TRIP11: variants seen among roughly 807,000 people sequenced by gnomAD.
TRIP11 encodes thyroid hormone receptor interactor 11.
Under a neutral mutation model 223.1 loss-of-function variants are expected in TRIP11, and 148 were observed. That is an observed-to-expected ratio of 0.66 (90% CI 0.58 to 0.76). TRIP11 has a LOEUF of 0.76. TRIP11 is among the 30% of genes least tolerant of loss of function. The pLI is 0.00. For synonymous variants in TRIP11, 762 were observed against 772.6 expected (o/e 0.99, Z 0.23); for missense variants, 2,043 against 2,222.0 (o/e 0.92, Z 1.62).
chr14:91,981,012 A>ATTTTTTTTTTTTTTTT (rs564098716), intron 16 of TRIP11, among the ~76,000 whole-genome samples: 1 of 49,944 alleles, frequency 2.0e-5, no homozygotes, highest in African/African-American at 6.7e-5. Flanking sequence ...ATATATATAT[A>ATTTTTTTTTTTTTTTT]TTTTTTTTTT....
intron 3 of TRIP11, among the ~76,000 whole-genome samples, chr14:92,025,056 T>C (rs2057164027): frequency 6.6e-6 from 1 of 152,158 alleles, no homozygotes; most frequent in Admixed American, 6.5e-5. Context: ...TACAAAAACT[T>C]TTTCTTCTTC....
chr14:91,999,313 C>G lies in TRIP11; in HGVS notation c.4819G>C (p.Ala1607Pro). The change falls in exon 13 of 21, where the codon GCT (alanine) becomes CCT (proline). Residue 1607 changes from alanine (A) to proline (P), a missense_variant. Coordinates refer to ENST00000267622, the MANE Select transcript of TRIP11 (RefSeq NM_004239.4). Reference protein sequence around the residue: ...REALAAEDREAKLRKKVTVLE... With the variant: ...REALAAEDREPKLRKKVTVLE... ...ACTGTGACTTTCTTTCTTAGTTTAG[C>G]CTCTCTATCTTCTGCAGCCAAAGCT... 6.2e-7 allele frequency: 1 copy of G among 1,613,870 alleles called. No individual in the cohort carries two copies. The highest frequency in any genetic ancestry group is 8.5e-7 in the Non-Finnish European group (1 of 1,179,900).
rs1187647412 is a variant in TRIP11, at chr14:92,039,701, G to A, written c.-16C>T. 1.9e-6 allele frequency: 3 copies of A among 1,609,016 alleles called. No individual in the cohort carries two copies. The highest frequency in any genetic ancestry group is 2.5e-6 in the Non-Finnish European group (3 of 1,177,858). On this transcript the variant is annotated 5_prime_UTR_variant, in exon 1 of 21. Transcript: ENST00000267622. ...AGGACGACATCGCGGCGAGTTTAGA[G>A]AACGACCCGGTCCGCTCGGAAAAAA...
In TRIP11 at chr14:91,988,633, T is replaced by TAA. The variant is rs749287959; in HGVS notation, c.5161-252_5161-251dup. On this transcript the variant is annotated intron_variant, in intron 15 of 20. Transcript: ENST00000267622. The stretch of plus-strand genomic sequence containing the variant: ...CTGAAAGACAACATGATGACAGAAG[T>TAA]AAAAAAAAAAAAAAAAAAAAGTAAC... Among the ~76,000 whole-genome samples the TAA allele has an allele frequency of 3.5e-4, 35 of 99,478 alleles. 1 individual carries two copies. The highest frequency in any genetic ancestry group is 5.3e-3 in the Middle Eastern group (1 of 190). The allele number at this position is 99,478 out of a possible 152,430, so 65.3% of individuals were successfully genotyped here. A position where few individuals can be genotyped will look rare whatever the true frequency, so the allele number is the denominator to read the frequency against.
chr14:92,011,668 T>C, intron 8 of TRIP11, 87 bp downstream of exon 8: 2 of 1,061,956 alleles, frequency 1.9e-6, no homozygotes, highest in Non-Finnish European at 2.8e-6. Flanking sequence ...TTGAATCTCT[T>C]AAGGAAAATT....
Position 92,024,370 on chromosome 14 carries a change from CA to C in TRIP11, c.312+939del, listed in dbSNP as rs61209764. 2.9e-3 allele frequency among the ~76,000 whole-genome samples: 307 copies of C among 106,606 alleles called. 1 individual carries two copies. Among genetic ancestry groups the C allele is most frequent in the Middle Eastern group, 0.011 (2 of 188 alleles). The allele number at this position is 106,606 out of a possible 152,430, so 69.9% of individuals were successfully genotyped here. ...TGGGCGACAGAGCAAGACTCTGTCT[CA>C]AAAAAAAAAAAAAAAATTATTTGAA... is the stretch of plus-strand genomic sequence containing the variant. On this transcript the variant is annotated intron_variant, in intron 3 of 20. Coordinates refer to ENST00000267622, the MANE Select transcript of TRIP11 (RefSeq NM_004239.4).
chr14:92,004,297 G>T lies in TRIP11; in HGVS notation c.3679C>A (p.Gln1227Lys). 1 of 1,613,982 alleles carries T rather than the reference G, an allele frequency of 6.2e-7. No homozygotes were observed. The highest frequency in any genetic ancestry group is 8.5e-7 in the Non-Finnish European group (1 of 1,179,996). ...QVKKMEEWKQ[Q>K]VMTTVQNMQH... Reference sequence around the variant, plus strand: ...ATATTTTGTACTGTGGTCATCACCTGCTGCTTCCACTCTTCCATTTTCTTT... The same window carrying T: ...ATATTTTGTACTGTGGTCATCACCTTCTGCTTCCACTCTTCCATTTTCTTT... Residue 1227 changes from glutamine (Q) to lysine (K), a missense_variant, in exon 11 of 21, where the codon CAG becomes AAG. Transcript: ENST00000267622.
At chr14:91,984,317 C>CTTTTTTTTT (rs138601782) in intron 16 of TRIP11, among the ~76,000 whole-genome samples, 1 of 127,922 alleles carries the variant, frequency 7.8e-6, no homozygotes. Context: ...TTTTTCTTTT[C>CTTTTTTTTT]TTTTTTTTTT....
chr14:92,004,110 G>T lies in TRIP11; in HGVS notation c.3866C>A (p.Ala1289Glu). Residue 1289 changes from alanine to glutamate, a missense_variant, in exon 11 of 21, where the codon GCA (alanine) becomes GAA (glutamate). Coordinates refer to ENST00000267622, the MANE Select transcript of TRIP11 (RefSeq NM_004239.4). Reference sequence around the variant, plus strand: ...CTGCCCAATGCTGTGCTGAACTTGTGCTAATTCCTGCCCAAAATTTTTGAG... The same window carrying T: ...CTGCCCAATGCTGTGCTGAACTTGTTCTAATTCCTGCCCAAAATTTTTGAG... ...TKLKNFGQEL[A>E]QVQHSIGQLC... is the part of the protein sequence containing the mutation. 1 of 1,614,162 alleles carries T rather than the reference G, an allele frequency of 6.2e-7. No individual in the cohort carries two copies. Among genetic ancestry groups the T allele is most frequent in the Non-Finnish European group, 8.5e-7 (1 of 1,180,038 alleles).
chr14:91,968,518 G>A lies in TRIP11; in HGVS notation c.*1155C>T. On this transcript the variant is annotated 3_prime_UTR_variant, in exon 21 of 21. Transcript: ENST00000267622. ...ACGGAGGCAGGAAGTGGCATGTTCA[G>A]TGATTTTGCTAATTATACTTACGTA... is the stretch of plus-strand genomic sequence containing the variant. 4.6e-6 allele frequency: 1 copy of A among 217,672 alleles called. No individual in the cohort carries two copies. The highest frequency in any genetic ancestry group is 9.3e-6 in the Non-Finnish European group (1 of 107,860). The allele number at this position is 217,672 out of a possible 1,614,324, so 13.5% of individuals were successfully genotyped here. A position where few individuals can be genotyped will look rare whatever the true frequency, so the allele number is the denominator to read the frequency against.
intron 2 of TRIP11, among the ~76,000 whole-genome samples, chr14:92,028,119 A>G (rs959483629): frequency 1.3e-5 from 2 of 152,220 alleles, no homozygotes; most frequent in African/African-American, 4.8e-5. Flanking sequence ...CCTGGTTATA[A>G]AAGTTCACTT....
At chr14:92,022,245 A>C (rs2057124548) in intron 3 of TRIP11, among the ~76,000 whole-genome samples, 1 of 152,240 alleles carries the variant, frequency 6.6e-6, no homozygotes, top group Non-Finnish European at 1.5e-5. Flanking sequence ...TCCTGTTACA[A>C]GGGTGTTGTG....
chr14:92,014,065 C>T, intron 7 of TRIP11, 150 bp downstream of exon 7: 1 of 1,151,948 alleles, frequency 8.7e-7, no homozygotes, highest in East Asian at 2.6e-5. Flanking sequence ...TACACTGAAT[C>T]CAAACCACAC....
intron 16 of TRIP11, among the ~76,000 whole-genome samples, chr14:91,981,008 ATATATTTTTT>A (rs1382649893): frequency 1.3e-4 from 10 of 78,302 alleles, no homozygotes; most frequent in Admixed American, 7.4e-4. Context: ...ATATATATAT[ATATATTTTTT>A]TTTTTTTTTT....
At chr14:91,995,212 A>T in intron 14 of TRIP11, 140 bp downstream of exon 14, 1 of 880,150 alleles carries the variant, frequency 1.1e-6, no homozygotes, top group South Asian at 1.5e-5. Flanking sequence ...TAACTTTTTG[A>T]TGGCTACTCA....
intron 15 of TRIP11, among the ~76,000 whole-genome samples, chr14:91,992,332 G>A (rs116786556): frequency 3.8e-4 from 58 of 152,186 alleles, no homozygotes; most frequent in Non-Finnish European, 6.8e-4. Context: ...ATGAGAATGG[G>A]ATGTGAAGGG....
chr14:91,990,776 A>G (rs1273295566), intron 15 of TRIP11, among the ~76,000 whole-genome samples: 3 of 152,230 alleles, frequency 2.0e-5, no homozygotes, highest in Non-Finnish European at 2.9e-5. Flanking sequence ...CAGGAGTTTG[A>G]GACCAGCCTG....
intron 16 of TRIP11, among the ~76,000 whole-genome samples, chr14:91,986,217 A>T (rs900919308): frequency 6.6e-6 from 1 of 152,236 alleles, no homozygotes; most frequent in African/African-American, 2.4e-5. Flanking sequence ...TATCATCTAT[A>T]ATCAAGAACA....
intron 20 of TRIP11, among the ~76,000 whole-genome samples, chr14:91,972,146 G>A (rs886475962): frequency 2.0e-5 from 3 of 152,236 alleles, no homozygotes; most frequent in South Asian, 2.1e-4. Context: ...ATATGTACAC[G>A]TTAACCACCA....
Sources: allele counts gnomAD v4.1 joint callset (sites outside exome capture counted in the v4.1 genomes callset), GRCh38; gene constraint gnomAD v4.1.1; transcripts MANE v1.5; gene names NCBI Gene and HGNC (gene_info 2026-07-23, HGNC 2026-07-21).